CAMK4: variants seen among roughly 807,000 people sequenced by gnomAD.
The protein encoded by CAMK4 is calcium/calmodulin dependent protein kinase IV.
Under a neutral mutation model 44.9 loss-of-function variants are expected in CAMK4, and 22 were observed. That is an observed-to-expected ratio of 0.49 (90% CI 0.35 to 0.70). The LOEUF (loss-of-function observed/expected upper bound fraction) is 0.70. Ranked by LOEUF, CAMK4 falls within the 30% of genes least tolerant of loss-of-function variation. The pLI, the probability that CAMK4 is intolerant of heterozygous loss-of-function variation, is 0.01. For missense variants in CAMK4, 498 were observed against 586.8 expected (o/e 0.85, Z 1.56); for synonymous variants, 218 against 215.4 (o/e 1.01, Z -0.11).
At chr5:111,465,046 C>A (rs908521395) in intron 7 of CAMK4, among the ~76,000 whole-genome samples, 2 of 152,132 alleles carry the variant, frequency 1.3e-5, no homozygotes, top group Non-Finnish European at 2.9e-5. Flanking sequence ...TTGAGCCAGA[C>A]ATCTGTGCCT....
At chr5:111,424,172 G>A (rs1217830802) in intron 5 of CAMK4, among the ~76,000 whole-genome samples, 1 of 152,168 alleles carries the variant, frequency 6.6e-6, no homozygotes, top group Non-Finnish European at 1.5e-5. Flanking sequence ...TAGGAATTCA[G>A]GAGGTAAGAC....
intron 1 of CAMK4, among the ~76,000 whole-genome samples, chr5:111,225,176 T>C (rs917434167): frequency 6.6e-6 from 1 of 152,196 alleles, no homozygotes; most frequent in Non-Finnish European, 1.5e-5. Context: ...ATGAATCATT[T>C]AAGAGAGTTG....
chr5:111,480,482 G>C (rs1334157135), intron 9 of CAMK4, among the ~76,000 whole-genome samples: 2 of 152,066 alleles, frequency 1.3e-5, no homozygotes, highest in Admixed American at 1.3e-4. Flanking sequence ...TAGATTTTAA[G>C]CTCTGGGGCA....
intron 1 of CAMK4, among the ~76,000 whole-genome samples, chr5:111,312,482 A>G (rs1402935537): frequency 2.0e-5 from 3 of 152,162 alleles, no homozygotes; most frequent in Non-Finnish European, 2.9e-5. Flanking sequence ...GTAACTGGGT[A>G]GTAGGTGTCA....
chr5:111,322,406 A>G (rs1218829803), intron 1 of CAMK4, among the ~76,000 whole-genome samples: 1 of 152,136 alleles, frequency 6.6e-6, no homozygotes, highest in Non-Finnish European at 1.5e-5. Context: ...GGCAAGGACC[A>G]TGACACAGAA....
At chr5:111,362,471 A>G (rs1010717302) in intron 2 of CAMK4, among the ~76,000 whole-genome samples, 10 of 152,052 alleles carry the variant, frequency 6.6e-5, no homozygotes, top group African/African-American at 2.2e-4. Flanking sequence ...ATATTTTTAT[A>G]TTTGAAAATG....
chr5:111,387,463 T>C (rs1751644640), intron 4 of CAMK4, among the ~76,000 whole-genome samples: 2 of 152,232 alleles, frequency 1.3e-5, no homozygotes, highest in East Asian at 1.9e-4. Context: ...CAGCAATATC[T>C]AAAACTATGT....
chr5:111,292,937 A>T (rs1012138757), intron 1 of CAMK4, among the ~76,000 whole-genome samples: 1 of 152,162 alleles, frequency 6.6e-6, no homozygotes, highest in African/African-American at 2.4e-5. Context: ...AAATATATAT[A>T]TTTGAAGTAT....
chr5:111,483,993 G>A, intron 10 of CAMK4, 33 bp from the exon 11 acceptor site: 1 of 1,498,804 alleles, frequency 6.7e-7, no homozygotes, highest in Non-Finnish European at 9.0e-7. Context: ...TTAAAGCAGA[G>A]GTAACACTTG....
chr5:111,444,978 T>C (rs1260403310), intron 5 of CAMK4, among the ~76,000 whole-genome samples: 1 of 152,200 alleles, frequency 6.6e-6, no homozygotes, highest in African/African-American at 2.4e-5. Flanking sequence ...TTAACATATA[T>C]GCATACATTG....
chr5:111,406,475 C>T (rs1371036957), intron 5 of CAMK4, among the ~76,000 whole-genome samples: 2 of 152,068 alleles, frequency 1.3e-5, no homozygotes, highest in African/African-American at 2.4e-5. Context: ...CCACCTGCCT[C>T]GGCCTCCCAA....
chr5:111,332,261 G>A (rs1749202511), intron 1 of CAMK4, among the ~76,000 whole-genome samples: 1 of 119,954 alleles, frequency 8.3e-6, no homozygotes, highest in Non-Finnish European at 1.6e-5. Context: ...CCCGGAGTGT[G>A]ATGTTCCCCT....
At chr5:111,289,511 C>T (rs1326889246) in intron 1 of CAMK4, among the ~76,000 whole-genome samples, 1 of 152,172 alleles carries the variant, frequency 6.6e-6, no homozygotes, top group Non-Finnish European at 1.5e-5. Flanking sequence ...AGACTTAAGG[C>T]AAGAAGGGTA....
chr5:111,275,415 A>T lies in CAMK4; in HGVS notation c.161+50771A>T, dbSNP rs549140679. On this transcript the variant is annotated intron_variant, in intron 1 of 10. Transcript: ENST00000282356. ...TGGAATTTAAAAAATTACAATGCAT[A>T]CTTATTGGTACTTTATCATACATCT... 2.0e-5 allele frequency among the ~76,000 whole-genome samples: 3 copies of T among 152,052 alleles called. No individual in the cohort carries two copies. The East Asian group carries it at 5.8e-4, about 29-fold the overall frequency.
intron 5 of CAMK4, among the ~76,000 whole-genome samples, chr5:111,413,814 G>A (rs1752715039): frequency 6.6e-6 from 1 of 151,806 alleles, no homozygotes; most frequent in Non-Finnish European, 1.5e-5. Flanking sequence ...TTAAAAACTA[G>A]AGATATATTT....
rs1755639686 is a variant in CAMK4, at chr5:111,486,629, C to T, written c.*2163C>T. On this transcript the variant is annotated 3_prime_UTR_variant, in exon 11 of 11. Coordinates refer to ENST00000282356, the MANE Select transcript of CAMK4 (RefSeq NM_001744.6). ...TGAAAGATCAGAACACATCATTCCTCCCTGCCCACCCCCATATTGTTCCAA... is the reference window on the plus strand; with the variant it reads ...TGAAAGATCAGAACACATCATTCCTTCCTGCCCACCCCCATATTGTTCCAA... The T allele has an allele frequency of 6.6e-6, 1 of 152,040 alleles. No homozygotes were observed. Among genetic ancestry groups the T allele is most frequent in the African/African-American group, 2.4e-5 (1 of 41,382 alleles). The allele number at this position is 152,040 out of a possible 1,614,324, so 9.4% of individuals were successfully genotyped here. A position where few individuals can be genotyped will look rare whatever the true frequency, so the allele number is the denominator to read the frequency against.
At chr5:111,363,682 G>A (rs1267434828) in intron 2 of CAMK4, among the ~76,000 whole-genome samples, 3 of 151,666 alleles carry the variant, frequency 2.0e-5, no homozygotes, top group African/African-American at 7.2e-5. Context: ...AATGAACCAA[G>A]TGAAAAAAGA....
In CAMK4 at chr5:111,343,378, C is replaced by A. The variant is rs74737665; in HGVS notation, c.162-646C>A. On this transcript the variant is annotated intron_variant, in intron 1 of 10. Coordinates refer to ENST00000282356, the MANE Select transcript of CAMK4 (RefSeq NM_001744.6). Reference sequence around the variant, plus strand: ...GTAAGCCTGTTTGGTCTATATTTCTCTTTTATCTCTCTTTTACTCTTTTGC... The same window carrying A: ...GTAAGCCTGTTTGGTCTATATTTCTATTTTATCTCTCTTTTACTCTTTTGC... 5.5e-3 allele frequency among the ~76,000 whole-genome samples: 837 copies of A among 151,826 alleles called. 9 individuals are homozygous for A. Among genetic ancestry groups the A allele is most frequent in the African/African-American group, 0.019 (777 of 41,480 alleles).
At chr5:111,407,945 G>T (rs2112888919) in intron 5 of CAMK4, among the ~76,000 whole-genome samples, 1 of 152,200 alleles carries the variant, frequency 6.6e-6, no homozygotes, top group South Asian at 2.1e-4. Flanking sequence ...GGCCAACATG[G>T]TGAACCCTCA....
Sources: allele counts gnomAD v4.1 joint callset (sites outside exome capture counted in the v4.1 genomes callset), GRCh38; gene constraint gnomAD v4.1.1; transcripts MANE v1.5; gene names NCBI Gene and HGNC (gene_info 2026-07-23, HGNC 2026-07-21).